DNAH12: variants seen among roughly 807,000 people sequenced by gnomAD.
DNAH12 encodes axonemal beta dynein heavy chain 12.
DNAH12 carries 285 observed loss-of-function variants against 371.5 expected under a neutral mutation model. The ratio of observed to expected loss-of-function variants is 0.77; its 90% CI spans 0.70 to 0.85. The LOEUF (loss-of-function observed/expected upper bound fraction) is 0.85, where lower values mean the gene tolerates loss of function less well. Ranked by LOEUF, DNAH12 falls within the 40% of genes least tolerant of loss-of-function variation. The probability of loss-of-function intolerance (pLI) is 0.00; values close to 1 mark genes in which losing one functional copy is unlikely to be tolerated. For missense variants in DNAH12, 3,611 were observed against 3,689.4 expected (o/e 0.98, Z 0.55); for synonymous variants, 1,200 against 1,213.0 (o/e 0.99, Z 0.22).
At chr3:57,443,569 C>T (rs1311041312) in intron 29 of DNAH12, among the ~76,000 whole-genome samples, 8 of 151,852 alleles carry the variant, frequency 5.3e-5, no homozygotes, top group African/African-American at 1.9e-4. Flanking sequence ...TTTTAATTGA[C>T]AAATATTTTT....
chr3:57,511,442 C>T (rs1262397911), intron 4 of DNAH12, among the ~76,000 whole-genome samples: 3 of 152,062 alleles, frequency 2.0e-5, no homozygotes, highest in African/African-American at 7.2e-5. Context: ...AATAGTCTCA[C>T]TAAAAATAGA....
At chr3:57,525,753 A>ATTT (rs1553720003) in intron 2 of DNAH12, among the ~76,000 whole-genome samples, 39 of 62,766 alleles carry the variant, frequency 6.2e-4, no homozygotes, top group South Asian at 1.9e-3. Flanking sequence ...AGTATGTCTT[A>ATTT]TTCTTTTTTT....
rs2066823500 is a variant in DNAH12 at position 57,483,517 on chromosome 3, A to G, written c.1515-6T>C. ...CTTCAAATTCACTGCAAATACTGACATAATACTCTGCTTTAATAGACTTAT... is the reference window on the plus strand; with the variant it reads ...CTTCAAATTCACTGCAAATACTGACGTAATACTCTGCTTTAATAGACTTAT... On this transcript the variant is annotated splice_polypyrimidine_tract_variant and splice_region_variant and intron_variant, in intron 12 of 73. Transcript: ENST00000495027. 6.5e-7 allele frequency: 1 copy of G among 1,545,370 alleles called. No homozygotes were observed. The highest frequency in any genetic ancestry group is 8.7e-7 in the Non-Finnish European group (1 of 1,145,498).
At chr3:57,369,600 AC>A (rs1256331447) in intron 55 of DNAH12, among the ~76,000 whole-genome samples, 1 of 152,064 alleles carries the variant, frequency 6.6e-6, no homozygotes, top group Non-Finnish European at 1.5e-5. Flanking sequence ...CACCTAAAGT[AC>A]AAAAAGGTCC....
intron 3 of DNAH12, 39 bp from the exon 4 acceptor site, chr3:57,523,648 A>T: frequency 6.9e-7 from 1 of 1,454,790 alleles, no homozygotes; most frequent in East Asian, 2.5e-5. Flanking sequence ...ATCAAGGAGA[A>T]CATTTTAAAA....
chr3:57,546,944 G>T (rs558554518), upstream of DNAH12, among the ~76,000 whole-genome samples: 5 of 152,146 alleles, frequency 3.3e-5, no homozygotes, highest in Admixed American at 1.3e-4. Context: ...GGGAGTTTGA[G>T]ACCAGCCTGG....
At chr3:57,504,292 G>GACA in intron 8 of DNAH12, 88 bp from the exon 9 acceptor site, 1 of 1,150,582 alleles carries the variant, frequency 8.7e-7, no homozygotes, top group Non-Finnish European at 1.2e-6. Context: ...GTCTATATCT[G>GACA]ATTATAATTG....
At chr3:57,505,613 G>A (rs2067728184) in intron 8 of DNAH12, among the ~76,000 whole-genome samples, 1 of 151,810 alleles carries the variant, frequency 6.6e-6, no homozygotes, top group Non-Finnish European at 1.5e-5. Context: ...CCTAATTTTT[G>A]TAGTTTTAGT....
rs995610248 is a variant in DNAH12, at chr3:57,368,147, T to C, written c.8873A>G (p.Glu2958Gly). 1.3e-5 allele frequency: 2 copies of C among 152,310 alleles called. No individual in the cohort carries two copies. The highest frequency in any genetic ancestry group is 4.8e-5 in the African/African-American group (2 of 41,576). 9.4% of individuals were successfully genotyped at this position (152,310 alleles called of 1,614,324 possible). Residue 2958 changes from glutamate (E) to glycine (G), a missense_variant, in exon 56 of 74, where the codon GAA becomes GGA. Physicochemically the swap from Glu to Gly is moderately conservative, Grantham distance 98. Transcript: ENST00000495027. ...LSDSDYMRTL[E>G]NCIQFGTPLL... Reference sequence around the variant, plus strand: ...TGGAGTTCCAAACTGAATACAGTTTTCCAATGTTCTCATATAGTCTGAATC... The same window carrying C: ...TGGAGTTCCAAACTGAATACAGTTTCCCAATGTTCTCATATAGTCTGAATC...
chr3:57,487,453 A>G (rs2066972974), intron 12 of DNAH12, among the ~76,000 whole-genome samples: 1 of 152,134 alleles, frequency 6.6e-6, no homozygotes, highest in Non-Finnish European at 1.5e-5. Flanking sequence ...ATTAATGTGG[A>G]TAATGCAAAA....
At chr3:57,424,452 C>G (rs1371533777) in intron 35 of DNAH12, among the ~76,000 whole-genome samples, 1 of 127,016 alleles carries the variant, frequency 7.9e-6, no homozygotes, top group Admixed American at 8.9e-5. Flanking sequence ...GCCTGGGCAA[C>G]AGGGCAAGAT....
At chr3:57,433,880 A>C in intron 30 of DNAH12, 52 bp from the exon 31 acceptor site, 1 of 1,376,792 alleles carries the variant, frequency 7.3e-7, no homozygotes, top group East Asian at 2.6e-5. Flanking sequence ...AGAGTTAAAT[A>C]ATTTATATCA....
intron 39 of DNAH12, among the ~76,000 whole-genome samples, chr3:57,412,965 G>C (rs2064253684): frequency 6.6e-6 from 1 of 152,170 alleles, no homozygotes; most frequent in Non-Finnish European, 1.5e-5. Context: ...GACAACTTAT[G>C]TCCATGTAAA....
intron 4 of DNAH12, among the ~76,000 whole-genome samples, chr3:57,512,205 A>G (rs1439991415): frequency 6.6e-6 from 1 of 152,200 alleles, no homozygotes; most frequent in Non-Finnish European, 1.5e-5. Context: ...GGGATGGGTG[A>G]ACCTTAAGGA....
chr3:57,309,636 A>T lies in DNAH12; in HGVS notation c.11085+30T>A. Reference sequence around the variant, plus strand: ...TTTCAGTATCATTTTTATTTATATTATAAGTAACATATTTTAAGCTGAACA... The same window carrying T: ...TTTCAGTATCATTTTTATTTATATTTTAAGTAACATATTTTAAGCTGAACA... On this transcript the variant is annotated intron_variant, in intron 68 of 73. Transcript: ENST00000495027. 4 of 1,422,958 alleles carry T rather than the reference A, an allele frequency of 2.8e-6. No homozygotes were observed. The Admixed American group carries it at 9.1e-5, about 32-fold the overall frequency. 88.1% of individuals were successfully genotyped at this position (1,422,958 alleles called of 1,614,324 possible).
rs941724511 is a variant in DNAH12 at position 57,429,722 on chromosome 3, A to C, written c.5033T>G (p.Ile1678Ser). Residue 1678 changes from isoleucine (I) to serine (S), a missense_variant, in exon 33 of 74, where the codon ATC becomes AGC. This residue lies in a region of DNAH12 where 2,266 missense variants were observed against 2,236.9 expected (regional missense o/e 1.01). Transcript: ENST00000495027. ...IIQMSPQMSLIFETMDLSQAS... is the reference protein window; with the variant it reads ...IIQMSPQMSLSFETMDLSQAS... ...CTGGGAAAGGTCCATTGTTTCAAAG[A>C]TGAGGCTCATTTGGGGGGACATCTG... 1 of 1,536,576 alleles carries C rather than the reference A, an allele frequency of 6.5e-7. No individual in the cohort carries two copies. The highest frequency in any genetic ancestry group is 2.1e-5 in the Admixed American group (1 of 48,538).
chr3:57,483,617 A>G, intron 12 of DNAH12, 106 bp from the exon 13 acceptor site: 1 of 1,240,798 alleles, frequency 8.1e-7, no homozygotes, highest in Admixed American at 3.7e-5. Context: ...ATGATATCCT[A>G]AAAAAATTGC....
intron 13 of DNAH12, among the ~76,000 whole-genome samples, chr3:57,482,902 T>A (rs1213077959): frequency 8.9e-6 from 1 of 111,740 alleles, no homozygotes; most frequent in Non-Finnish European, 1.7e-5. Flanking sequence ...AAGGGGAACA[T>A]CACACACCGG....
At chr3:57,439,870 G>A (rs2065251831) in intron 29 of DNAH12, among the ~76,000 whole-genome samples, 1 of 151,852 alleles carries the variant, frequency 6.6e-6, no homozygotes. Context: ...ATGGGCAAAG[G>A]ATACGAACAG....
Sources: gnomAD v4.1 joint callset for allele counts (sites outside exome capture counted in the v4.1 genomes callset) on GRCh38, gnomAD v4.1.1 for gene constraint, gnomAD v4.1.1 regional missense constraint, MANE v1.5 for transcripts, NCBI Gene and HGNC (gene_info 2026-07-23, HGNC 2026-07-21) for gene names.